Variants in NEK11 observed in about 807,000 individuals in gnomAD.
NEK11 encodes NIMA related kinase 11.
In NEK11, 72 loss-of-function variants were observed where a neutral mutation model predicts 80.7. The observed-to-expected ratio is 0.89, with a 90% confidence interval of 0.74 to 1.08. The LOEUF is 1.08. NEK11 is among the 50% of genes least tolerant of loss of function. NEK11 has a pLI of 0.00. For missense variants in NEK11, 764 were observed against 763.6 expected (o/e 1.00, Z -0.01); for synonymous variants, 251 against 260.7 (o/e 0.96, Z 0.36).
chr3:131,226,331 T>C (rs1018187550), intron 14 of NEK11, among the ~76,000 whole-genome samples: 2 of 152,182 alleles, frequency 1.3e-5, no homozygotes, highest in African/African-American at 4.8e-5. Context: ...TGAAGATCTT[T>C]ATTAACATGG....
At chr3:131,217,300 G>T (rs1232004450) in intron 14 of NEK11, among the ~76,000 whole-genome samples, 2 of 152,062 alleles carry the variant, frequency 1.3e-5, no homozygotes, top group African/African-American at 4.8e-5. Flanking sequence ...CTTTAATAGT[G>T]CCGGGGAAGG....
chr3:131,324,078 G>T (rs2096929087), intron 17 of NEK11, among the ~76,000 whole-genome samples: 1 of 152,218 alleles, frequency 6.6e-6, no homozygotes, highest in South Asian at 2.1e-4. Flanking sequence ...CTTTATTCAA[G>T]ACTACTGCAG....
intron 9 of NEK11, chr3:131,154,786 G>T: frequency 2.5e-6 from 1 of 406,046 alleles, no homozygotes; most frequent in Non-Finnish European, 4.5e-6. Context: ...CCCATGATTG[G>T]CAAAAGGGAG....
chr3:131,144,412 C>G (rs2087686097), intron 7 of NEK11, among the ~76,000 whole-genome samples: 1 of 152,094 alleles, frequency 6.6e-6, no homozygotes, highest in South Asian at 2.1e-4. Context: ...GCTTTTGTAT[C>G]AGCAGATTTA....
intron 4 of NEK11, among the ~76,000 whole-genome samples, chr3:131,086,918 C>T (rs1515911): frequency 0.91 from 138,263 of 152,242 alleles, 63,306 homozygotes; most frequent in Non-Finnish European, 0.95. Context: ...TTTGGCATCT[C>T]CTATTCAAAT....
chr3:131,114,677 C>T (rs964414172), intron 5 of NEK11, among the ~76,000 whole-genome samples: 11 of 152,282 alleles, frequency 7.2e-5, no homozygotes, highest in Middle Eastern at 3.4e-3. Flanking sequence ...CCCAAAGGGA[C>T]CCCTCACTGC....
Position 131,338,113 on chromosome 3 carries a change from C to T in NEK11, c.1719-11444C>T, listed in dbSNP as rs570944209. Among the ~76,000 whole-genome samples, 4 of 152,000 alleles carry T rather than the reference C, an allele frequency of 2.6e-5. No individual in the cohort carries two copies. In the South Asian group the frequency reaches 8.3e-4, roughly 32 times the overall value. ...TCCCGAGTAGCTGGGACTACAGGCACACGCCGCCATGCCCGGCTTATTTTT... is the reference window on the plus strand; with the variant it reads ...TCCCGAGTAGCTGGGACTACAGGCATACGCCGCCATGCCCGGCTTATTTTT... On this transcript the variant is annotated intron_variant, in intron 17 of 17. Transcript: ENST00000383366.
intron 17 of NEK11, among the ~76,000 whole-genome samples, chr3:131,297,183 G>A (rs1401827763): frequency 3.2e-4 from 48 of 151,864 alleles, no homozygotes; most frequent in African/African-American, 1.2e-3. Context: ...ACCCAGTAAT[G>A]GGATGGCTGG....
chr3:131,195,253 C>A lies in NEK11; in HGVS notation c.1399+24366C>A, dbSNP rs1253725021. 5.9e-5 allele frequency among the ~76,000 whole-genome samples: 9 copies of A among 152,040 alleles called. 1 individual carries two copies. Among genetic ancestry groups the A allele is most frequent in the Admixed American group, 5.9e-4 (9 of 15,254 alleles). ...GCCCCTGCCTGCTTGCTCTTCCCCA[C>A]CCCTCCTCCAACCTCACCCCATGCT... On this transcript the variant is annotated intron_variant, in intron 14 of 17. Coordinates refer to ENST00000383366, the MANE Select transcript of NEK11 (RefSeq NM_024800.5).
At chr3:131,138,275 G>A (rs2086049155) in intron 7 of NEK11, among the ~76,000 whole-genome samples, 1 of 152,196 alleles carries the variant, frequency 6.6e-6, no homozygotes, top group South Asian at 2.1e-4. Flanking sequence ...GCCTGGGAAT[G>A]TTCCCTGTAG....
intron 14 of NEK11, among the ~76,000 whole-genome samples, chr3:131,201,593 A>G (rs1375498323): frequency 6.6e-6 from 1 of 152,188 alleles, no homozygotes; most frequent in East Asian, 1.9e-4. Context: ...TACCTCTACA[A>G]ACTTTGCAAA....
At chr3:131,097,696 A>G (rs1331257980) in intron 4 of NEK11, among the ~76,000 whole-genome samples, 1 of 151,810 alleles carries the variant, frequency 6.6e-6, no homozygotes, top group Non-Finnish European at 1.5e-5. Context: ...GCTCATGGGT[A>G]GGAAGAATCA....
intron 14 of NEK11, among the ~76,000 whole-genome samples, chr3:131,194,066 G>A (rs958936913): frequency 1.3e-5 from 2 of 152,168 alleles, no homozygotes; most frequent in Non-Finnish European, 2.9e-5. Context: ...TCAGACACTG[G>A]GAGGTATGGT....
chr3:131,289,045 T>C (rs1325010265), intron 17 of NEK11, among the ~76,000 whole-genome samples: 1 of 152,192 alleles, frequency 6.6e-6, no homozygotes, highest in African/African-American at 2.4e-5. Flanking sequence ...CATAACAAAG[T>C]ACCATAACCA....
intron 11 of NEK11, among the ~76,000 whole-genome samples, chr3:131,163,801 A>T (rs1386800611): frequency 2.0e-5 from 3 of 152,240 alleles, no homozygotes; most frequent in African/African-American, 7.2e-5. Context: ...ATTTTTTGTC[A>T]ATTAAATTTT....
intron 5 of NEK11, among the ~76,000 whole-genome samples, chr3:131,119,446 G>A (rs947860499): frequency 9.8e-5 from 15 of 152,296 alleles, no homozygotes; most frequent in East Asian, 1.9e-4. Flanking sequence ...TGTATATTCC[G>A]TTGATTTGGG....
intron 17 of NEK11, chr3:131,328,958 C>G (rs1411369119): frequency 6.6e-6 from 1 of 152,212 alleles, no homozygotes; most frequent in Admixed American, 6.5e-5. Context: ...AGCAGGGCAG[C>G]TGGGGCTTCC....
intron 17 of NEK11, among the ~76,000 whole-genome samples, chr3:131,285,115 G>A (rs2096454961): frequency 6.6e-6 from 1 of 152,160 alleles, no homozygotes; most frequent in African/African-American, 2.4e-5. Context: ...ATGTCACAAG[G>A]ACATAAGCAA....
At chr3:131,345,632 A>C (rs1471454041) in intron 17 of NEK11, among the ~76,000 whole-genome samples, 1 of 152,180 alleles carries the variant, frequency 6.6e-6, no homozygotes, top group Non-Finnish European at 1.5e-5. Context: ...AGAGGTTCCT[A>C]AAGAAATTAA....
Sources: allele counts gnomAD v4.1 joint callset (sites outside exome capture counted in the v4.1 genomes callset), GRCh38; gene constraint gnomAD v4.1.1; transcripts MANE v1.5; gene names NCBI Gene and HGNC (gene_info 2026-07-23, HGNC 2026-07-21).